Variants in RAB31 observed in about 807,000 individuals in gnomAD.
RAB31 encodes ras-related protein Rab-31.
In RAB31, 21 loss-of-function variants were observed where a neutral mutation model predicts 25.6. The observed-to-expected ratio is 0.82, with a 90% confidence interval of 0.58 to 1.18. RAB31 has a LOEUF of 1.18. Among genes scored for constraint, RAB31 ranks in the 50% most tolerant of loss-of-function variants. The pLI, the probability that RAB31 is intolerant of heterozygous loss-of-function variation, is 0.00. For synonymous variants in RAB31, 87 were observed against 84.0 expected (o/e 1.04, Z -0.20); for missense variants, 196 against 250.1 (o/e 0.78, Z 1.46).
chr18:9,723,265 C>T (rs1333501666), intron 1 of RAB31, among the ~76,000 whole-genome samples: 1 of 152,092 alleles, frequency 6.6e-6, no homozygotes, highest in Non-Finnish European at 1.5e-5. Context: ...CCAGGCTGGT[C>T]TCAAACTCCT....
chr18:9,711,765 C>T (rs535543614), intron 1 of RAB31, among the ~76,000 whole-genome samples: 4 of 152,336 alleles, frequency 2.6e-5, no homozygotes, highest in Admixed American at 2.6e-4. Flanking sequence ...TTCTTTCTGC[C>T]TGTTAGAATC....
At chr18:9,769,911 C>G (rs952714868) in intron 1 of RAB31, among the ~76,000 whole-genome samples, 1 of 152,174 alleles carries the variant, frequency 6.6e-6, no homozygotes, top group Non-Finnish European at 1.5e-5. Context: ...TGAATTTTAT[C>G]AAAGGCCTTT....
rs376315143 is a variant in RAB31 at position 9,740,141 on chromosome 18, C to T, written c.39+31697C>T. 2.2e-4 allele frequency among the ~76,000 whole-genome samples: 33 copies of T among 152,316 alleles called. No individual in the cohort carries two copies. The South Asian group carries it at 6.4e-3, about 30-fold the overall frequency. ...GTGGCCTTCAGTTCGGCTGTTGAGC[C>T]TCTCTGACATTCCGATTCACTGGTA... On this transcript the variant is annotated intron_variant, in intron 1 of 6. Coordinates refer to ENST00000578921, the MANE Select transcript of RAB31 (RefSeq NM_006868.4).
In RAB31 at chr18:9,719,810, C is replaced by T. The variant is rs532854784; in HGVS notation, c.39+11366C>T. On this transcript the variant is annotated intron_variant, in intron 1 of 6. Transcript: ENST00000578921. ...TCCTTGAAAGAGGCATCCAAGGCTT[C>T]GCTTTTACAGGAAAGTGTTTCTAAC... Among the ~76,000 whole-genome samples the T allele has an allele frequency of 2.6e-4, 39 of 152,292 alleles. No individual in the cohort carries two copies. In the South Asian group the frequency reaches 7.7e-3, roughly 30 times the overall value.
chr18:9,833,682 A>G (rs2068690461), intron 5 of RAB31, among the ~76,000 whole-genome samples: 1 of 152,208 alleles, frequency 6.6e-6, no homozygotes, highest in Non-Finnish European at 1.5e-5. Context: ...AGTACGCAGG[A>G]TAAGTATTTC....
chr18:9,749,644 A>G (rs2068224035), intron 1 of RAB31, among the ~76,000 whole-genome samples: 1 of 152,230 alleles, frequency 6.6e-6, no homozygotes, highest in Non-Finnish European at 1.5e-5. Flanking sequence ...TAAATTAGAA[A>G]AGAAAAGGAA....
chr18:9,776,439 G>A (rs967668098), intron 2 of RAB31, among the ~76,000 whole-genome samples: 1 of 152,200 alleles, frequency 6.6e-6, no homozygotes, highest in African/African-American at 2.4e-5. Flanking sequence ...AGATGCTCAA[G>A]AGTACTTGGC....
chr18:9,850,916 A>G (rs1267218274), intron 6 of RAB31, among the ~76,000 whole-genome samples: 2 of 152,198 alleles, frequency 1.3e-5, no homozygotes, highest in African/African-American at 4.8e-5. Context: ...TAGAGGTACA[A>G]GCATATTGGC....
At chr18:9,796,017 G>GT in intron 3 of RAB31, among the ~76,000 whole-genome samples, 1 of 152,162 alleles carries the variant, frequency 6.6e-6, no homozygotes, top group South Asian at 2.1e-4. Context: ...AGAAAATGTG[G>GT]TATATATATA....
chr18:9,810,694 G>A (rs2068565953), intron 3 of RAB31, among the ~76,000 whole-genome samples: 1 of 152,194 alleles, frequency 6.6e-6, no homozygotes, highest in Non-Finnish European at 1.5e-5. Context: ...TTTAGATTCA[G>A]TTCATGGTGT....
chr18:9,749,761 T>C (rs1179638585), intron 1 of RAB31, among the ~76,000 whole-genome samples: 2 of 152,212 alleles, frequency 1.3e-5, no homozygotes, highest in African/African-American at 2.4e-5. Context: ...TCTATACTTT[T>C]AATAGCTTGG....
At chr18:9,714,049 G>T (rs1385145673) in intron 1 of RAB31, among the ~76,000 whole-genome samples, 1 of 152,200 alleles carries the variant, frequency 6.6e-6, no homozygotes, top group Non-Finnish European at 1.5e-5. Context: ...ATAGTACCTT[G>T]TCAATAGTGT....
At chr18:9,728,551 G>GTTTA in intron 1 of RAB31, among the ~76,000 whole-genome samples, 2 of 152,142 alleles carry the variant, frequency 1.3e-5, no homozygotes, top group African/African-American at 4.8e-5. Flanking sequence ...TTGTTTGTTT[G>GTTTA]TTTTGAGACA....
rs138231368 is a variant in RAB31, at chr18:9,849,445, C to T, written c.490+3754C>T. ...CTGGGAATTTAAGGTTGAAGAACAGCAAATTAGACAAGCCTACTTACTCTT... is the reference window on the plus strand; with the variant it reads ...CTGGGAATTTAAGGTTGAAGAACAGTAAATTAGACAAGCCTACTTACTCTT... On this transcript the variant is annotated intron_variant, in intron 6 of 6. Coordinates refer to ENST00000578921, the MANE Select transcript of RAB31 (RefSeq NM_006868.4). Among the ~76,000 whole-genome samples, 675 of 152,266 alleles carry T rather than the reference C, an allele frequency of 4.4e-3. 2 individuals carry two copies. The highest frequency in any genetic ancestry group is 0.014 in the Middle Eastern group (4 of 294).
intron 1 of RAB31, among the ~76,000 whole-genome samples, chr18:9,773,976 A>G (rs952292542): frequency 1.3e-5 from 2 of 152,072 alleles, no homozygotes; most frequent in African/African-American, 4.8e-5. Flanking sequence ...TTAAATTTCT[A>G]AGAGGTTGGT....
intron 2 of RAB31, among the ~76,000 whole-genome samples, chr18:9,786,410 C>T (rs533199582): frequency 6.6e-5 from 10 of 152,276 alleles, no homozygotes; most frequent in African/African-American, 1.2e-4. Context: ...TTCTGTAAGC[C>T]GCTGTAGCAA....
At chr18:9,806,581 C>T (rs2267564) in intron 3 of RAB31, among the ~76,000 whole-genome samples, 44,196 of 151,716 alleles carry the variant, frequency 0.29, 6,564 homozygotes, top group East Asian at 0.46. Context: ...CAGGGCGGGC[C>T]CAAGAAGGGA....
intron 6 of RAB31, among the ~76,000 whole-genome samples, chr18:9,852,621 T>C (rs1281569243): frequency 1.3e-5 from 2 of 152,124 alleles, no homozygotes; most frequent in Non-Finnish European, 2.9e-5. Context: ...TAGTATTCCA[T>C]TGCATGCATA....
chr18:9,852,162 A>G (rs1376351809), intron 6 of RAB31, among the ~76,000 whole-genome samples: 1 of 152,174 alleles, frequency 6.6e-6, no homozygotes, highest in Non-Finnish European at 1.5e-5. Context: ...CTCAAAACCA[A>G]GCTTGTGCCA....
Sources: gnomAD v4.1 joint callset for allele counts (sites outside exome capture counted in the v4.1 genomes callset) on GRCh38, gnomAD v4.1.1 for gene constraint, MANE v1.5 for transcripts, NCBI Gene and HGNC (gene_info 2026-07-23, HGNC 2026-07-21) for gene names.